The following FOLH1 variants were observed in gnomAD, a reference collection of about 807,000 sequenced individuals.
The protein encoded by FOLH1 is folate hydrolase 1.
FOLH1 carries 54 observed loss-of-function variants against 93.9 expected under a neutral mutation model. The ratio of observed to expected loss-of-function variants is 0.57; its 90% CI spans 0.46 to 0.72. The LOEUF (loss-of-function observed/expected upper bound fraction) is 0.72. Among genes scored for constraint, FOLH1 ranks in the 30% least tolerant of loss-of-function variants. The pLI, the probability that FOLH1 is intolerant of heterozygous loss-of-function variation, is 0.00. For missense variants in FOLH1, 571 were observed against 892.5 expected (o/e 0.64, Z 4.59); for synonymous variants, 249 against 303.6 (o/e 0.82, Z 1.87).
chr11:49,167,719 T>C (rs142094555), intron 12 of FOLH1, among the ~76,000 whole-genome samples: 275 of 151,020 alleles, frequency 1.8e-3, no homozygotes, highest in African/African-American at 6.1e-3. Flanking sequence ...GAGGCTGAGG[T>C]TGGAGGATCA....
Position 49,206,168 on chromosome 11 carries a change from C to A in FOLH1, c.123G>T (p.Trp41Cys). The change falls in exon 2 of 19, where the codon TGG (tryptophan) becomes TGT (cysteine). Residue 41 changes from tryptophan (W) to cysteine (C), a missense_variant. Around this residue, in one of 2 missense-constraint regions of FOLH1, gnomAD observed 71 missense variants for 69.6 expected, o/e 1.02. Transcript: ENST00000256999. ...TAGCTTCATTGGAGGATTTTATAAACCACCCTGAAAAATACATCCAAAAAT... is the reference window on the plus strand; with the variant it reads ...TAGCTTCATTGGAGGATTTTATAAAACACCCTGAAAAATACATCCAAAAAT... ...GFFLLGFLFG[W>C]FIKSSNEATN... The A allele has an allele frequency of 6.2e-7, 1 of 1,611,028 alleles. No homozygotes were observed. The highest frequency in any genetic ancestry group is 8.5e-7 in the Non-Finnish European group (1 of 1,178,700).
At chr11:49,159,718 T>TTG (rs1330617975) in intron 13 of FOLH1, among the ~76,000 whole-genome samples, 1 of 152,150 alleles carries the variant, frequency 6.6e-6, no homozygotes, top group Non-Finnish European at 1.5e-5. Context: ...CAGCCCTTCT[T>TTG]TGTACCTCTG....
At chr11:49,163,631 G>T (rs953062400) in intron 13 of FOLH1, among the ~76,000 whole-genome samples, 1 of 151,900 alleles carries the variant, frequency 6.6e-6, no homozygotes, top group Admixed American at 6.6e-5. Context: ...GACCATCACT[G>T]CTCAGGCCCT....
At chr11:49,167,865 A>AAAC (rs1858609313) in intron 12 of FOLH1, among the ~76,000 whole-genome samples, 1 of 151,000 alleles carries the variant, frequency 6.6e-6, no homozygotes, top group South Asian at 2.1e-4. Flanking sequence ...ACAGAAAAAA[A>AAAC]AAACAAACAA....
At chr11:49,159,565 T>G (rs1857423725) in intron 13 of FOLH1, among the ~76,000 whole-genome samples, 1 of 152,204 alleles carries the variant, frequency 6.6e-6, no homozygotes, top group African/African-American at 2.4e-5. Flanking sequence ...GCATCATTGT[T>G]CATCATAGAT....
rs1439928519 is a variant in FOLH1 at position 49,145,185 on chromosome 11, G to A, written c.*1571C>T. ...TCCCACTTGATTGTCTTCATAAATA[G>A]ATCTGGGCCCATTAAATAGTTCTTC... On this transcript the variant is annotated 3_prime_UTR_variant, in exon 19 of 19. Transcript: ENST00000256999. Among the ~76,000 whole-genome samples the A allele has an allele frequency of 6.6e-6, 1 of 152,140 alleles. No homozygotes were observed. The highest frequency in any genetic ancestry group is 1.5e-5 in the Non-Finnish European group (1 of 68,008).
intron 3 of FOLH1, among the ~76,000 whole-genome samples, chr11:49,197,556 T>C (rs1862752933): frequency 6.6e-6 from 1 of 152,228 alleles, no homozygotes; most frequent in Admixed American, 6.5e-5. Context: ...CTGTATACAT[T>C]AAAAATATTT....
chr11:49,147,859 T>C (rs1001588176), intron 18 of FOLH1, among the ~76,000 whole-genome samples: 5 of 151,684 alleles, frequency 3.3e-5, no homozygotes, highest in Non-Finnish European at 7.4e-5. Flanking sequence ...CCCAAAAGTC[T>C]GAGGCTGCAG....
intron 17 of FOLH1, among the ~76,000 whole-genome samples, chr11:49,151,306 G>T (rs1856483276): frequency 6.6e-6 from 1 of 152,188 alleles, no homozygotes; most frequent in South Asian, 2.1e-4. Flanking sequence ...TCGAATGAAG[G>T]ATAATTTCAA....
intron 9 of FOLH1, among the ~76,000 whole-genome samples, chr11:49,173,770 C>T (rs1257659426): frequency 1.2e-3 from 4 of 3,440 alleles, no homozygotes; most frequent in Non-Finnish European, 5.8e-3. Flanking sequence ...TTTTTTGTAA[C>T]TCTATTACTT....
At chr11:49,151,090 T>G (rs1353393306) in intron 17 of FOLH1, among the ~76,000 whole-genome samples, 1 of 152,194 alleles carries the variant, frequency 6.6e-6, no homozygotes, top group Non-Finnish European at 1.5e-5. Context: ...TAGAAAGTTT[T>G]AGAGTGAAAT....
At chr11:49,147,009 C>T (rs950775500) in intron 18 of FOLH1, 64 bp from the exon 19 acceptor site, 2 of 1,540,630 alleles carry the variant, frequency 1.3e-6, no homozygotes, top group African/African-American at 2.7e-5. Context: ...AACACAAGAG[C>T]ACTCTGCAAT....
intron 6 of FOLH1, among the ~76,000 whole-genome samples, chr11:49,184,289 T>G (rs1861125531): frequency 6.6e-6 from 1 of 152,138 alleles, no homozygotes; most frequent in African/African-American, 2.4e-5. Context: ...GTTAGAATTA[T>G]GCCATAATAA....
At chr11:49,192,646 T>G in intron 4 of FOLH1, 147 bp downstream of exon 4, 2 of 486,388 alleles carry the variant, frequency 4.1e-6, no homozygotes, top group South Asian at 1.1e-4. Context: ...TTCCTTCTTC[T>G]TACTAAGACA....
At chr11:49,197,693 C>T (rs553299119) in intron 3 of FOLH1, among the ~76,000 whole-genome samples, 1 of 152,172 alleles carries the variant, frequency 6.6e-6, no homozygotes, top group Non-Finnish European at 1.5e-5. Flanking sequence ...TTATTCATAA[C>T]AATTAAATTG....
chr11:49,153,800 T>C (rs375319677), intron 17 of FOLH1, 46 bp downstream of exon 17: 2 of 1,261,122 alleles, frequency 1.6e-6, no homozygotes, highest in Non-Finnish European at 2.1e-6. Flanking sequence ...TAAATATATA[T>C]ATATACACAC....
Position 49,183,256 on chromosome 11 carries a change from T to A in FOLH1, c.827-14A>T, listed in dbSNP as rs761024741. On this transcript the variant is annotated splice_polypyrimidine_tract_variant and intron_variant, in intron 6 of 18. Transcript: ENST00000256999. ...TATAAGCATATTCTGAAAAAAAAAA[T>A]TGCCATATTTCCAGTAAAAACTCAG... 15 of 1,567,456 alleles carry A rather than the reference T, an allele frequency of 9.6e-6. No individual in the cohort carries two copies. Among genetic ancestry groups the A allele is most frequent in the East Asian group, 4.5e-5 (2 of 44,314 alleles).
intron 7 of FOLH1, among the ~76,000 whole-genome samples, chr11:49,182,294 A>G (rs559337090): frequency 8.0e-6 from 1 of 124,332 alleles, no homozygotes; most frequent in Non-Finnish European, 1.6e-5. Flanking sequence ...GCACCATTGC[A>G]CTCCAGCCTG....
chr11:49,188,721 TG>T (rs1160173620), intron 4 of FOLH1, among the ~76,000 whole-genome samples: 2 of 152,146 alleles, frequency 1.3e-5, no homozygotes, highest in African/African-American at 4.8e-5. Flanking sequence ...AGAATGAGAC[TG>T]GGATCAGCAA....
Sources: gnomAD v4.1 joint callset for allele counts (sites outside exome capture counted in the v4.1 genomes callset) on GRCh38, gnomAD v4.1.1 for gene constraint, gnomAD v4.1.1 regional missense constraint, MANE v1.5 for transcripts, NCBI Gene and HGNC (gene_info 2026-07-23, HGNC 2026-07-21) for gene names.